GBE1: variants seen among roughly 807,000 people sequenced by gnomAD.
GBE1 encodes the protein 1,4-alpha-glucan-branching enzyme.
In GBE1, 70 loss-of-function variants were observed where a neutral mutation model predicts 88.8. That is an observed-to-expected ratio of 0.79 (90% CI 0.65 to 0.96). GBE1 has a LOEUF of 0.96. GBE1 is among the 40% of genes least tolerant of loss of function. The pLI is 0.00. For synonymous variants in GBE1, 284 were observed against 300.1 expected, an observed-to-expected ratio of 0.95 and a Z score of 0.56; for missense variants, 872 against 871.0, an observed-to-expected ratio of 1.00 and a Z score of -0.01.
At position 81,592,924 on chromosome 3, in the gene GBE1, T is replaced by G. The variant is rs561215848; in HGVS notation, c.1108+984A>C. On this transcript the variant is annotated intron_variant, in intron 8 of 15. Coordinates refer to ENST00000429644, the MANE Select transcript of GBE1 (RefSeq NM_000158.4). ...GGAACATTTCAAGTGGGCAGCATCATGAGTAAGATCAAGCAGTAGCACACT... is the reference window on the plus strand; with the variant it reads ...GGAACATTTCAAGTGGGCAGCATCAGGAGTAAGATCAAGCAGTAGCACACT... 2.6e-5 allele frequency among the ~76,000 whole-genome samples: 4 copies of G among 152,352 alleles called. No homozygotes were observed. In the South Asian group the frequency reaches 8.3e-4, roughly 32 times the overall value.
intron 2 of GBE1, among the ~76,000 whole-genome samples, chr3:81,704,266 T>TG (rs1340453129): frequency 1.6e-4 from 25 of 152,214 alleles, no homozygotes; most frequent in Middle Eastern, 6.8e-3. Context: ...TTATTTCTGT[T>TG]GGACAGTGCT....
chr3:81,665,649 T>C (rs1289945665), intron 3 of GBE1, among the ~76,000 whole-genome samples: 1 of 152,226 alleles, frequency 6.6e-6, no homozygotes, highest in South Asian at 2.1e-4. Context: ...GATATGTTAA[T>C]GGTTAATTTT....
chr3:81,705,680 T>A, intron 1 of GBE1, 67 bp from the exon 2 acceptor site: 1 of 1,027,742 alleles, frequency 9.7e-7, no homozygotes, highest in Non-Finnish European at 1.4e-6. Flanking sequence ...CTACTGTAAT[T>A]AAGTAACTGC....
At chr3:81,604,824 C>T (rs1704083600) in intron 7 of GBE1, among the ~76,000 whole-genome samples, 1 of 152,076 alleles carries the variant, frequency 6.6e-6, no homozygotes, top group South Asian at 2.1e-4. Flanking sequence ...AGATTTTCCT[C>T]TTCTTTTCTT....
At chr3:81,754,207 C>T (rs1166264297) in intron 1 of GBE1, among the ~76,000 whole-genome samples, 1 of 152,016 alleles carries the variant, frequency 6.6e-6, no homozygotes, top group African/African-American at 2.4e-5. Context: ...ATCCCATTTA[C>T]AATACCTACA....
At chr3:81,740,357 G>A (rs1160447955) in intron 1 of GBE1, among the ~76,000 whole-genome samples, 1 of 151,590 alleles carries the variant, frequency 6.6e-6, no homozygotes, top group Non-Finnish European at 1.5e-5. Flanking sequence ...AAGATTTTCA[G>A]CTATACATAG....
intron 1 of GBE1, among the ~76,000 whole-genome samples, chr3:81,744,727 A>G (rs1706398961): frequency 1.3e-5 from 2 of 152,296 alleles, no homozygotes; most frequent in African/African-American, 2.4e-5. Flanking sequence ...ACACAAGCAC[A>G]TTTTCCAACT....
intron 7 of GBE1, among the ~76,000 whole-genome samples, chr3:81,608,531 A>T (rs927595287): frequency 3.9e-5 from 6 of 152,114 alleles, no homozygotes; most frequent in Middle Eastern, 3.2e-3. Flanking sequence ...TACGTTTGTG[A>T]TATTTGCTAT....
intron 1 of GBE1, among the ~76,000 whole-genome samples, chr3:81,742,102 T>C (rs370041295): frequency 4.2e-4 from 64 of 152,144 alleles, no homozygotes; most frequent in South Asian, 2.7e-3. Context: ...TATGTCATTA[T>C]AGCCAATTTC....
At chr3:81,671,433 GA>G (rs1054460724) in intron 2 of GBE1, among the ~76,000 whole-genome samples, 55 of 152,244 alleles carry the variant, frequency 3.6e-4, no homozygotes, top group Admixed American at 2.6e-3. Flanking sequence ...AAGAAAGGTA[GA>G]AGGTTATATA....
intron 1 of GBE1, among the ~76,000 whole-genome samples, chr3:81,707,286 T>C (rs1705791175): frequency 6.6e-6 from 1 of 151,970 alleles, no homozygotes. Context: ...CACACAATTC[T>C]AAGAAGGAAA....
At chr3:81,490,857 T>C (rs943828813) in intron 15 of GBE1, among the ~76,000 whole-genome samples, 4 of 152,132 alleles carry the variant, frequency 2.6e-5, no homozygotes, top group Admixed American at 6.6e-5. Context: ...GACACTTTTA[T>C]TTTTAATCTT....
intron 14 of GBE1, among the ~76,000 whole-genome samples, chr3:81,522,229 A>G (rs550483829): frequency 6.6e-6 from 1 of 151,706 alleles, no homozygotes; most frequent in Admixed American, 6.6e-5. Context: ...CACATAGAAC[A>G]GGTGTTAGCC....
intron 12 of GBE1, among the ~76,000 whole-genome samples, chr3:81,556,458 T>C (rs1256888250): frequency 7.2e-5 from 11 of 152,020 alleles, no homozygotes; most frequent in Non-Finnish European, 5.9e-5. Context: ...TTCTTGAAAC[T>C]TTACAAAGAA....
chr3:81,647,720 T>C (rs962807943), intron 5 of GBE1, among the ~76,000 whole-genome samples: 2 of 152,170 alleles, frequency 1.3e-5, no homozygotes, highest in Admixed American at 6.5e-5. Flanking sequence ...TTAATGGCAG[T>C]TCATGTAACT....
At chr3:81,567,614 C>T (rs569591012) in intron 12 of GBE1, among the ~76,000 whole-genome samples, 1 of 152,284 alleles carries the variant, frequency 6.6e-6, no homozygotes, top group African/African-American at 2.4e-5. Flanking sequence ...GCTGCTTAAG[C>T]CAAAAACCTG....
chr3:81,571,168 G>A (rs906431400), intron 12 of GBE1, among the ~76,000 whole-genome samples: 1 of 152,120 alleles, frequency 6.6e-6, no homozygotes, highest in African/African-American at 2.4e-5. Context: ...GTCCCATAGC[G>A]TTATCTGCAC....
intron 10 of GBE1, among the ~76,000 whole-genome samples, chr3:81,583,125 A>G (rs1168410521): frequency 1.3e-5 from 2 of 152,156 alleles, no homozygotes; most frequent in East Asian, 3.8e-4. Flanking sequence ...CATGTTTGGT[A>G]TCCAGCATCA....
chr3:81,580,473 G>C (rs931310773), intron 11 of GBE1, among the ~76,000 whole-genome samples: 3 of 152,086 alleles, frequency 2.0e-5, no homozygotes, highest in Non-Finnish European at 4.4e-5. Flanking sequence ...GATGCGTGGG[G>C]AAAAGCACAA....
Sources: allele counts gnomAD v4.1 joint callset (sites outside exome capture counted in the v4.1 genomes callset), GRCh38; gene constraint gnomAD v4.1.1; transcripts MANE v1.5; gene names NCBI Gene and HGNC (gene_info 2026-07-23, HGNC 2026-07-21).